The following SACS variants were observed in gnomAD, a reference collection of about 807,000 sequenced individuals.
SACS encodes sacsin.
A neutral mutation model predicts 348.0 loss-of-function variants in SACS; 197 were observed. The observed-to-expected ratio is 0.57, with a 90% CI of 0.50 to 0.64. The LOEUF (loss-of-function observed/expected upper bound fraction) is 0.64, where lower values mean the gene tolerates loss of function less well. SACS is among the 30% of genes least tolerant of loss of function. The probability of loss-of-function intolerance (pLI) is 0.00; values close to 1 mark genes in which losing one functional copy is unlikely to be tolerated. For synonymous variants in SACS, 1,985 were observed against 1,910.6 expected, an observed-to-expected ratio of 1.04 and a Z score of -1.02; for missense variants, 4,999 against 5,360.8, an observed-to-expected ratio of 0.93 and a Z score of 2.11.
In SACS at chr13:23,331,986, G is replaced by A; in HGVS notation, c.11890C>T (p.Leu3964Phe). The A allele has an allele frequency of 6.2e-7, 1 of 1,614,068 alleles. No individual in the cohort carries two copies. Among genetic ancestry groups the A allele is most frequent in the Non-Finnish European group, 8.5e-7 (1 of 1,179,940 alleles). The change falls in exon 10 of 10, where the codon CTC becomes TTC. Residue 3964 changes from leucine (L) to phenylalanine (F), a missense_variant. This residue lies in a region of SACS where 831 missense variants were observed against 941.8 expected (regional missense o/e 0.88). Transcript: ENST00000382292. ...DHGFHTKLIM[L>F]FPQKLRPRLL... ...CGAGGTCTAAGTTTTTGAGGAAAGAGCATTATCAACTTAGTGTGAAATCCA... is the reference window on the plus strand; with the variant it reads ...CGAGGTCTAAGTTTTTGAGGAAAGAACATTATCAACTTAGTGTGAAATCCA...
At chr13:23,365,089 A>T (rs1282388766) in intron 6 of SACS, 77 bp downstream of exon 6, 3 of 938,408 alleles carry the variant, frequency 3.2e-6, no homozygotes, top group Non-Finnish European at 5.1e-6. Flanking sequence ...ACTGTTCATT[A>T]AACAAAGCAT....
rs1322906348 is a variant in SACS at position 23,335,603 on chromosome 13, G to C, written c.8273C>G (p.Ala2758Gly). Residue 2758 changes from alanine to glycine, a missense_variant, in exon 10 of 10, where the codon GCT (alanine) becomes GGT (glycine). Coordinates refer to ENST00000382292, the MANE Select transcript of SACS (RefSeq NM_014363.6). This position sits in a 1 kb window ranked among gnomAD's most constrained non-coding sequence, Gnocchi z 4.7. ...SICEIDKSTGALNVLYSVKGK... is the reference protein window; with the variant it reads ...SICEIDKSTGGLNVLYSVKGK... ...CTTTACTGAATACAGCACATTTAGA[G>C]CTCCAGTACTCTTATCTATTTCACA... 3 of 1,613,674 alleles carry C rather than the reference G, an allele frequency of 1.9e-6. No homozygotes were observed. Among genetic ancestry groups the C allele is most frequent in the Non-Finnish European group, 2.5e-6 (3 of 1,179,888 alleles).
Position 23,340,051 on chromosome 13 carries a change from A to G in SACS, c.3825T>C (p.Phe1275=), listed in dbSNP as rs371761945. Reference sequence around the variant, plus strand: ...ACTTTTTGCCAGTCCAAACCCATGGAAATTTTAAGGCTCTAAAAGAATCTT... The same window carrying G: ...ACTTTTTGCCAGTCCAAACCCATGGGAATTTTAAGGCTCTAAAAGAATCTT... The part of the protein sequence containing the change: ...EGKDSFRALK[F]PWVWTGKKFC... The change falls in exon 10 of 10, where the codon TTT becomes TTC. Residue 1275 remains phenylalanine, a synonymous_variant. Transcript: ENST00000382292. 7 of 1,613,932 alleles carry G rather than the reference A, an allele frequency of 4.3e-6. No homozygotes were observed. Among genetic ancestry groups the G allele is most frequent in the African/African-American group, 2.7e-5 (2 of 74,930 alleles).
intron 2 of SACS, among the ~76,000 whole-genome samples, chr13:23,388,227 G>C (rs911121769): frequency 3.3e-5 from 5 of 151,722 alleles, no homozygotes; most frequent in Non-Finnish European, 5.9e-5. Context: ...CCAGCACTTT[G>C]GGAGGCTGAG....
intron 2 of SACS, among the ~76,000 whole-genome samples, chr13:23,401,322 CA>C (rs1399861936): frequency 6.6e-6 from 1 of 152,210 alleles, no homozygotes; most frequent in East Asian, 1.9e-4. Context: ...AAAGACTAAT[CA>C]GAAACTCAAA....
intron 2 of SACS, among the ~76,000 whole-genome samples, chr13:23,391,623 A>G (rs1028475598): frequency 6.6e-6 from 1 of 152,136 alleles, no homozygotes; most frequent in East Asian, 1.9e-4. Flanking sequence ...TCGGGTCTAG[A>G]GGGTCATGAT....
At position 23,339,139 on chromosome 13, in the gene SACS, TA is replaced by T. The variant is rs1566068579; in HGVS notation, c.4736del (p.Ile1579LysfsTer7). 1 of 1,611,528 alleles carries T rather than the reference TA, an allele frequency of 6.2e-7. No homozygotes were observed. The highest frequency in any genetic ancestry group is 1.7e-5 in the Admixed American group (1 of 59,828). ...IPIIMSREFM[I>X]MFDPNINHIS... ...TATGATTTATGTTTGGATCGAACAT[TA>T]TCATGAATTCCCGACTCATAATGAT... On this transcript the variant is annotated frameshift_variant, in exon 10 of 10. Coordinates refer to ENST00000382292, the MANE Select transcript of SACS (RefSeq NM_014363.6). LOFTEE classifies it high-confidence loss of function.
intron 6 of SACS, among the ~76,000 whole-genome samples, chr13:23,359,743 T>C (rs978260539): frequency 6.6e-6 from 1 of 152,136 alleles, no homozygotes; most frequent in Non-Finnish European, 1.5e-5. Context: ...CACAATAAAG[T>C]ATGATGATCT....
At chr13:23,341,778 TTC>T (rs377678174) in intron 9 of SACS, 88 bp from the exon 10 acceptor site, 279 of 717,270 alleles carry the variant, frequency 3.9e-4, no homozygotes, top group Admixed American at 1.2e-3. Flanking sequence ...TACTGGAAGG[TTC>T]TTTTTTTTTT....
rs769148679 is a variant in SACS at position 23,333,307 on chromosome 13, A to G, written c.10569T>C (p.Ser3523=). 1 of 1,604,880 alleles carries G rather than the reference A, an allele frequency of 6.2e-7. No individual in the cohort carries two copies. Among genetic ancestry groups the G allele is most frequent in the Non-Finnish European group, 8.5e-7 (1 of 1,177,058 alleles). ...TGTTAGCATCATGGATTATCAATAA[A>G]CTTTCCAGTTTTTCAAAAAGTTGTT... The part of the protein sequence containing the change: ...IKEQLFEKLE[S]LLIIHDANSR... Residue 3523 remains serine, a synonymous_variant, in exon 10 of 10, where the codon AGT becomes AGC. Transcript: ENST00000382292.
rs572655867 is a variant in SACS, at chr13:23,368,921, G to C, written c.260-434C>G. 4.0e-4 allele frequency among the ~76,000 whole-genome samples: 61 copies of C among 152,200 alleles called. 1 individual carries two copies. In the East Asian group the frequency reaches 6.0e-3, roughly 15 times the overall value. ...TCACCATGTTAGCCAGGATGGTCTT[G>C]ATCTCCTGACCTCGTGATCCGCCCA... On this transcript the variant is annotated intron_variant, in intron 4 of 9. Transcript: ENST00000382292.
Position 23,334,054 on chromosome 13 carries a change from A to G in SACS, c.9822T>C (p.Thr3274=), listed in dbSNP as rs771522497. The G allele has an allele frequency of 3.7e-6, 6 of 1,613,710 alleles. No homozygotes were observed. The highest frequency in any genetic ancestry group is 1.7e-5 in the Admixed American group (1 of 59,972). The change falls in exon 10 of 10, where the codon ACT becomes ACC. Residue 3274 remains threonine (T), a synonymous_variant. Transcript: ENST00000382292. The part of the protein sequence containing the change: ...TKPTFDIVVD[T]LKDWALLPGT... ...CTGGAAGCAATGCCCAGTCTTTTAG[A>G]GTATCAACAACAATGTCAAATGTTG...
At chr13:23,385,786 A>C (rs1374136167) in intron 2 of SACS, among the ~76,000 whole-genome samples, 2 of 152,196 alleles carry the variant, frequency 1.3e-5, no homozygotes, top group Non-Finnish European at 2.9e-5. Flanking sequence ...TGTATTTCTT[A>C]AATAATAAGA....
Position 23,371,059 on chromosome 13 carries a change from G to C in SACS, c.259+19C>G, listed in dbSNP as rs191435957. 5.6e-5 allele frequency: 83 copies of C among 1,476,730 alleles called. No homozygotes were observed. The African/African-American group carries it at 1.0e-3, about 18-fold the overall frequency. The allele number at this position is 1,476,730 out of a possible 1,614,324, so 91.5% of individuals were successfully genotyped here. ...GCAACCCAACATGGTATATACTTCT[G>C]GTAAAGTCAATATTATACCTCCCCC... On this transcript the variant is annotated intron_variant, in intron 4 of 9. Coordinates refer to ENST00000382292, the MANE Select transcript of SACS (RefSeq NM_014363.6).
intron 1 of SACS, among the ~76,000 whole-genome samples, chr13:23,432,833 T>C (rs916813296): frequency 2.0e-5 from 3 of 152,160 alleles, no homozygotes; most frequent in Non-Finnish European, 4.4e-5. Context: ...GGAATGGGCT[T>C]TATCCATCTT....
Position 23,331,085 on chromosome 13 carries a change from CTGGTTGGTGTA to C in SACS, c.12780_12790del (p.Thr4261ProfsTer3). 6.2e-7 allele frequency: 1 copy of C among 1,614,010 alleles called. No homozygotes were observed. Among genetic ancestry groups the C allele is most frequent in the Non-Finnish European group, 8.5e-7 (1 of 1,179,960 alleles). On this transcript the variant is annotated frameshift_variant, in exon 10 of 10. Transcript: ENST00000382292. LOFTEE classifies it high-confidence loss of function. ...GCCAGGGGTGAGGAACTCAGTGGGGCTGGTTGGTGTAGAAGGAGCACTGTCCCTGCTTTGAG... is the reference window on the plus strand; with the variant it reads ...GCCAGGGGTGAGGAACTCAGTGGGGCGAAGGAGCACTGTCCCTGCTTTGAG...
intron 7 of SACS, among the ~76,000 whole-genome samples, chr13:23,356,717 A>G (rs991163843): frequency 6.6e-6 from 1 of 152,216 alleles, no homozygotes; most frequent in Non-Finnish European, 1.5e-5. Context: ...ATTCCTCCCC[A>G]GTGTGCTTTG....
chr13:23,334,822 A>G lies in SACS; in HGVS notation c.9054T>C (p.Ser3018=). 1 of 1,613,902 alleles carries G rather than the reference A, an allele frequency of 6.2e-7. No individual in the cohort carries two copies. Among genetic ancestry groups the G allele is most frequent in the South Asian group, 1.1e-5 (1 of 91,074 alleles). The change falls in exon 10 of 10, where the codon TCT becomes TCC. Residue 3018 remains serine, a synonymous_variant. Coordinates refer to ENST00000382292, the MANE Select transcript of SACS (RefSeq NM_014363.6). ...AAAATGGTCTAGTTTTATTAGAAGT[A>G]GACATATTGATCCAAGTAATTATAA... ...SAVIITWINM[S]TSNKTRPFFD...
Position 23,386,321 on chromosome 13 carries a change from C to T in SACS, c.21-11052G>A, listed in dbSNP as rs1220495273. On this transcript the variant is annotated intron_variant, in intron 2 of 9. Coordinates refer to ENST00000382292, the MANE Select transcript of SACS (RefSeq NM_014363.6). ...TATGTTAGCTACATCTTCTGGAGAA[C>T]TTGCTGAAGTTTCCCCATCAGCACA... Among the ~76,000 whole-genome samples the T allele has an allele frequency of 2.0e-5, 3 of 152,248 alleles. No individual in the cohort carries two copies. In the East Asian group the frequency reaches 5.8e-4, roughly 29 times the overall value.
Sources: gnomAD v4.1 joint callset for allele counts (sites outside exome capture counted in the v4.1 genomes callset) on GRCh38, gnomAD v4.1.1 for gene constraint, gnomAD v4.1.1 regional missense constraint, Gnocchi (gnomAD v3.1) non-coding constraint, MANE v1.5 for transcripts, NCBI Gene and HGNC (gene_info 2026-07-23, HGNC 2026-07-21) for gene names.